PTPN12: variants seen among roughly 807,000 people sequenced by gnomAD.
The protein encoded by PTPN12 is protein tyrosine phosphatase non-receptor type 12.
PTPN12 carries 29 observed loss-of-function variants against 97.6 expected under a neutral mutation model. The observed-to-expected ratio is 0.30, with a 90% confidence interval of 0.22 to 0.41. The LOEUF is 0.41. Among genes scored for constraint, PTPN12 ranks in the 10% least tolerant of loss-of-function variants. PTPN12 has a pLI of 1.00. For missense variants in PTPN12, 819 were observed against 926.0 expected (o/e 0.88, Z 1.50); for synonymous variants, 327 against 300.4 (o/e 1.09, Z -0.91).
chr7:77,553,749 T>A (rs978543427), intron 1 of PTPN12, among the ~76,000 whole-genome samples: 9 of 152,232 alleles, frequency 5.9e-5, no homozygotes, highest in African/African-American at 1.9e-4. Flanking sequence ...ATCTTTTAAT[T>A]GGTACATTTA....
intron 1 of PTPN12, among the ~76,000 whole-genome samples, chr7:77,542,734 A>T (rs1197751648): frequency 6.6e-6 from 1 of 152,178 alleles, no homozygotes; most frequent in Non-Finnish European, 1.5e-5. Context: ...CAAGTAGAGG[A>T]GACCAAACAA....
At chr7:77,608,556 C>G (rs1158426219) in intron 9 of PTPN12, among the ~76,000 whole-genome samples, 1 of 152,166 alleles carries the variant, frequency 6.6e-6, no homozygotes, top group African/African-American at 2.4e-5. Context: ...CGCCTTTAAT[C>G]CTTCATAGCT....
intron 13 of PTPN12, among the ~76,000 whole-genome samples, chr7:77,629,327 T>C (rs537380637): frequency 1.3e-5 from 2 of 152,230 alleles, no homozygotes; most frequent in South Asian, 4.1e-4. Context: ...TGAAGGATCT[T>C]TAGAAGATAA....
intron 12 of PTPN12, 55 bp from the exon 13 acceptor site, chr7:77,626,650 G>A: frequency 6.6e-7 from 1 of 1,504,822 alleles, no homozygotes; most frequent in Non-Finnish European, 8.9e-7. Context: ...ATAATTCTCA[G>A]GTATCAACTT....
intron 12 of PTPN12, among the ~76,000 whole-genome samples, chr7:77,621,057 T>C (rs977170516): frequency 1.3e-5 from 2 of 151,770 alleles, no homozygotes; most frequent in Non-Finnish European, 1.5e-5. Context: ...AATCCATATA[T>C]ATATATATAT....
chr7:77,566,435 G>C (rs1388244475), intron 1 of PTPN12, among the ~76,000 whole-genome samples: 1 of 152,108 alleles, frequency 6.6e-6, no homozygotes, highest in Non-Finnish European at 1.5e-5. Flanking sequence ...AAAGACTTCT[G>C]GGGTAGGCTG....
At chr7:77,539,535 A>G (rs576294498) in intron 1 of PTPN12, among the ~76,000 whole-genome samples, 1 of 152,212 alleles carries the variant, frequency 6.6e-6, no homozygotes, top group Non-Finnish European at 1.5e-5. Flanking sequence ...CTTTTTTACT[A>G]CTTTCTAGCA....
At chr7:77,559,489 TATAATAAAGAAG>T (rs1459751581) in intron 1 of PTPN12, among the ~76,000 whole-genome samples, 3 of 152,338 alleles carry the variant, frequency 2.0e-5, no homozygotes, top group Middle Eastern at 6.8e-3. Context: ...TTGTAGGTGA[TATAATAAAGAAG>T]TGAATCAAAA....
At chr7:77,625,512 T>A (rs1368192366) in intron 12 of PTPN12, among the ~76,000 whole-genome samples, 22 of 106,728 alleles carry the variant, frequency 2.1e-4, no homozygotes, top group South Asian at 6.8e-4. Context: ...TCTCTCTCTC[T>A]CTCTCTCTCT....
chr7:77,610,115 A>G (rs1167722995), intron 9 of PTPN12, among the ~76,000 whole-genome samples: 1 of 152,218 alleles, frequency 6.6e-6, no homozygotes, highest in African/African-American at 2.4e-5. Flanking sequence ...TCATGTCAAC[A>G]TTGCCTATTG....
chr7:77,555,469 T>C (rs1427563991), intron 1 of PTPN12, among the ~76,000 whole-genome samples: 1 of 152,190 alleles, frequency 6.6e-6, no homozygotes, highest in African/African-American at 2.4e-5. Context: ...TTGTTTCAGT[T>C]TTTTTCTAGT....
At chr7:77,632,554 C>T (rs770084306) in intron 14 of PTPN12, 129 bp downstream of exon 14, 6 of 694,334 alleles carry the variant, frequency 8.6e-6, no homozygotes, top group African/African-American at 1.8e-5. Flanking sequence ...TTGATGTTGA[C>T]ATGCTTTTAA....
At chr7:77,567,614 C>T (rs117373427) in intron 1 of PTPN12, among the ~76,000 whole-genome samples, 2,799 of 152,166 alleles carry the variant, frequency 0.018, 35 homozygotes, top group Middle Eastern at 0.071. Flanking sequence ...TCAGAAACTA[C>T]TGGGATGAGG....
At chr7:77,605,409 G>GGTTTTTTTTTGT (rs1554321255) in intron 8 of PTPN12, among the ~76,000 whole-genome samples, 1 of 95,560 alleles carries the variant, frequency 1.0e-5, no homozygotes, top group African/African-American at 4.1e-5. Flanking sequence ...TTTGTCATGA[G>GGTTTTTTTTTGT]TTTTTTTTTT....
intron 6 of PTPN12, among the ~76,000 whole-genome samples, chr7:77,597,147 G>A (rs11772147): frequency 0.2 from 30,768 of 151,890 alleles, 3,906 homozygotes; most frequent in Non-Finnish European, 0.28. Context: ...GTTTTGAGAC[G>A]GAGTCTTGCT....
At chr7:77,590,216 A>G (rs1787821576) in intron 5 of PTPN12, among the ~76,000 whole-genome samples, 1 of 152,192 alleles carries the variant, frequency 6.6e-6, no homozygotes, top group Admixed American at 6.5e-5. Context: ...AGTTTTTGAT[A>G]TCATTATTAG....
chr7:77,563,851 G>A (rs191941354), intron 1 of PTPN12: 2 of 318,218 alleles, frequency 6.3e-6, no homozygotes, highest in Non-Finnish European at 1.3e-5. Context: ...AGACATTGCA[G>A]TTGTATAGTT....
rs1789727664 is a variant in PTPN12, at chr7:77,639,636, T to A, written c.*356T>A. 5.6e-6 allele frequency: 1 copy of A among 179,782 alleles called. No homozygotes were observed. Among genetic ancestry groups the A allele is most frequent in the Non-Finnish European group, 1.2e-5 (1 of 86,436 alleles). The allele number at this position is 179,782 out of a possible 1,614,324, so 11.1% of individuals were successfully genotyped here. A position where few individuals can be genotyped will look rare whatever the true frequency, so the allele number is the denominator to read the frequency against. On this transcript the variant is annotated 3_prime_UTR_variant, in exon 18 of 18. Coordinates refer to ENST00000248594, the MANE Select transcript of PTPN12 (RefSeq NM_002835.4). ...TATATGTACAGGGCAAGTAGGTATATAATTTGATAAAGTTGCAATTGAAAT... is the reference window on the plus strand; with the variant it reads ...TATATGTACAGGGCAAGTAGGTATAAAATTTGATAAAGTTGCAATTGAAAT...
rs536414608 is a variant in PTPN12 at position 77,613,725 on chromosome 7, A to G, written c.939+2679A>G. On this transcript the variant is annotated intron_variant, in intron 11 of 17. Transcript: ENST00000248594. ...CAAAAAAGATTAGCCTCCCAGACTC[A>G]CGGGTACATCACCTTGCCGAGTTTA... Among the ~76,000 whole-genome samples the G allele has an allele frequency of 9.9e-5, 15 of 151,856 alleles. No individual in the cohort carries two copies. The East Asian group carries it at 3.0e-3, about 30-fold the overall frequency.
Sources: gnomAD v4.1 joint callset for allele counts (sites outside exome capture counted in the v4.1 genomes callset) on GRCh38, gnomAD v4.1.1 for gene constraint, MANE v1.5 for transcripts, NCBI Gene and HGNC (gene_info 2026-07-23, HGNC 2026-07-21) for gene names.